The following BRME1 variants were observed in gnomAD, a reference collection of about 807,000 sequenced individuals.
The protein encoded by BRME1 is BRCA2 and MEILB2-associating protein 1.
Under a neutral mutation model 52.6 loss-of-function variants are expected in BRME1, and 31 were observed. The observed-to-expected ratio is 0.59, with a 90% confidence interval of 0.44 to 0.80. The LOEUF (loss-of-function observed/expected upper bound fraction) is 0.80. Among genes scored for constraint, BRME1 ranks in the 30% least tolerant of loss-of-function variants. BRME1 has a pLI of 0.00. For synonymous variants in BRME1, 359 were observed against 353.6 expected (o/e 1.02, Z -0.17); for missense variants, 804 against 860.3 (o/e 0.93, Z 0.82).
At chr19:13,890,500 T>C (rs780050658) in intron 5 of BRME1, 38 bp from the exon 6 acceptor site, 1 of 1,439,772 alleles carries the variant, frequency 6.9e-7, no homozygotes, top group South Asian at 1.6e-5. Flanking sequence ...GGGCCTTTGA[T>C]AACCAAGTTC....
Position 13,882,635 on chromosome 19 carries a change from A to G in BRME1, c.*167T>C. 3.7e-6 allele frequency: 3 copies of G among 813,416 alleles called. No homozygotes were observed. The highest frequency in any genetic ancestry group is 1.9e-6 in the Non-Finnish European group (1 of 513,384). 50.4% of individuals were successfully genotyped at this position (813,416 alleles called of 1,614,324 possible). ...GTGGCAAATGACCTTGACCCTGGCC[A>G]GGTGAGGCCAGGACCTCACGGCCTC... On this transcript the variant is annotated 3_prime_UTR_variant, in exon 9 of 9. Transcript: ENST00000586783.
chr19:13,883,643 A>C lies in BRME1; in HGVS notation c.1764-243T>G. On this transcript the variant is annotated intron_variant, in intron 7 of 8. Coordinates refer to ENST00000586783, the MANE Select transcript of BRME1 (RefSeq NM_001345843.2). This position sits in a 1 kb window ranked among gnomAD's most constrained non-coding sequence, Gnocchi z 4.2. ...AGGACGCTGCTGCCACCGCCTCCCT[A>C]TCTCCTGCCCCTGTGGCTTGTCCCC... The C allele has an allele frequency of 1.5e-5, 7 of 461,760 alleles. No individual in the cohort carries two copies. Among genetic ancestry groups the C allele is most frequent in the Admixed American group, 3.6e-5 (1 of 27,822 alleles). The allele number at this position is 461,760 out of a possible 1,614,324, so 28.6% of individuals were successfully genotyped here. A position where few individuals can be genotyped will look rare whatever the true frequency, so the allele number is the denominator to read the frequency against.
At chr19:13,894,362 T>C (rs1969730485) in intron 3 of BRME1, among the ~76,000 whole-genome samples, 1 of 152,062 alleles carries the variant, frequency 6.6e-6, no homozygotes, top group Non-Finnish European at 1.5e-5. Context: ...CCGTCTCTAC[T>C]AAAAATACAA....
Position 13,889,552 on chromosome 19 carries a change from G to A in BRME1, c.1304C>T (p.Ser435Phe), listed in dbSNP as rs1345080621. 1.2e-6 allele frequency: 2 copies of A among 1,613,712 alleles called. No homozygotes were observed. The highest frequency in any genetic ancestry group is 4.5e-5 in the East Asian group (2 of 44,874). The change falls in exon 6 of 9, where the codon TCC (serine) becomes TTC (phenylalanine). Residue 435 changes from serine (S) to phenylalanine (F), a missense_variant. Coordinates refer to ENST00000586783, the MANE Select transcript of BRME1 (RefSeq NM_001345843.2). ...ACCTGTGTCCGGGGATGCATGACCG[G>A]AATCTCCAGCACCCATCATGGACTC... Reference protein sequence around the residue: ...SGESMMGAGDSGHASPDTGPC... With the variant: ...SGESMMGAGDFGHASPDTGPC...
rs201671525 is a variant in BRME1 at position 13,895,430 on chromosome 19, A to G, written c.148T>C (p.Leu50=). 14 of 1,614,014 alleles carry G rather than the reference A, an allele frequency of 8.7e-6. No individual in the cohort carries two copies. The East Asian group carries it at 1.8e-4, about 21-fold the overall frequency. The change falls in exon 3 of 9, where the codon TTG becomes CTG. Residue 50 remains leucine (L), a synonymous_variant. Transcript: ENST00000586783. Reference sequence around the variant, plus strand: ...TGCTGTGTAGAGGGAACAGGTCCCAATTTGCCCTCTGGCTCCTCAGGGTGA... The same window carrying G: ...TGCTGTGTAGAGGGAACAGGTCCCAGTTTGCCCTCTGGCTCCTCAGGGTGA... ...LHHPEEPEGK[L]GPVPSTQQHG...
At position 13,883,655 on chromosome 19, in the gene BRME1, T is replaced by C. The variant is rs1435800871; in HGVS notation, c.1764-255A>G. 2.2e-6 allele frequency: 1 copy of C among 448,178 alleles called. No homozygotes were observed. Among genetic ancestry groups the C allele is most frequent in the Non-Finnish European group, 4.1e-6 (1 of 244,316 alleles). The allele number at this position is 448,178 out of a possible 1,614,324, so 27.8% of individuals were successfully genotyped here. On this transcript the variant is annotated intron_variant, in intron 7 of 8. Transcript: ENST00000586783. The surrounding 1 kb of genome is among the most constrained non-coding windows in gnomAD (Gnocchi z 4.2). ...CCACCGCCTCCCTATCTCCTGCCCCTGTGGCTTGTCCCCCACAGGCACTGG... is the reference window on the plus strand; with the variant it reads ...CCACCGCCTCCCTATCTCCTGCCCCCGTGGCTTGTCCCCCACAGGCACTGG...
At position 13,903,390 on chromosome 19, in the gene BRME1, A is replaced by T. The variant is rs373428866; in HGVS notation, c.31+1472T>A. 6.6e-4 allele frequency among the ~76,000 whole-genome samples: 100 copies of T among 152,020 alleles called. 1 individual carries two copies. In the South Asian group the frequency reaches 0.02, roughly 30 times the overall value. On this transcript the variant is annotated intron_variant, in intron 2 of 8. Transcript: ENST00000586783. The stretch of plus-strand genomic sequence containing the variant: ...GTTATGAAAACCAAAAAAAGTCTCT[A>T]GGCCGGGCACGGTGGCTCCCACCTG...
rs759830067 is a variant in BRME1 at position 13,895,434 on chromosome 19, G to T, written c.144C>A (p.Gly48=). 2 of 1,613,982 alleles carry T rather than the reference G, an allele frequency of 1.2e-6. No individual in the cohort carries two copies. Among genetic ancestry groups the T allele is most frequent in the African/African-American group, 2.7e-5 (2 of 74,908 alleles). ...GTGTAGAGGGAACAGGTCCCAATTTGCCCTCTGGCTCCTCAGGGTGATGTA... is the reference window on the plus strand; with the variant it reads ...GTGTAGAGGGAACAGGTCCCAATTTTCCCTCTGGCTCCTCAGGGTGATGTA... The part of the protein sequence containing the change: ...GCLHHPEEPE[G]KLGPVPSTQQ... Residue 48 remains glycine (G), a synonymous_variant, in exon 3 of 9, where the codon GGC becomes GGA. Transcript: ENST00000586783.
chr19:13,896,864 CT>C (rs1969942037), intron 2 of BRME1, among the ~76,000 whole-genome samples: 1 of 151,438 alleles, frequency 6.6e-6, no homozygotes, highest in South Asian at 2.1e-4. Flanking sequence ...GCTAAGTTTT[CT>C]TTTGCTTTTG....
intron 5 of BRME1, among the ~76,000 whole-genome samples, chr19:13,891,403 C>G (rs545251619): frequency 5.9e-5 from 9 of 152,102 alleles, no homozygotes; most frequent in African/African-American, 2.2e-4. Context: ...CCCATCTCGG[C>G]CTCCCAAAGT....
At chr19:13,891,642 T>G (rs1009383182) in intron 5 of BRME1, among the ~76,000 whole-genome samples, 5 of 151,450 alleles carry the variant, frequency 3.3e-5, no homozygotes, top group Admixed American at 6.6e-5. Flanking sequence ...AATTTTGTGG[T>G]TTTTTTGGTA....
chr19:13,895,851 G>A (rs1413912178), intron 2 of BRME1, among the ~76,000 whole-genome samples: 1 of 152,192 alleles, frequency 6.6e-6, no homozygotes, highest in African/African-American at 2.4e-5. Context: ...CACAGCCACC[G>A]GGTGCTGAAG....
At chr19:13,891,181 C>T (rs1326403449) in intron 5 of BRME1, among the ~76,000 whole-genome samples, 5 of 123,414 alleles carry the variant, frequency 4.1e-5, no homozygotes, top group African/African-American at 1.8e-4. Context: ...CAGAGTTTCA[C>T]TCTTGTTGCC....
At chr19:13,897,744 C>T (rs1411632497) in intron 2 of BRME1, among the ~76,000 whole-genome samples, 2 of 151,998 alleles carry the variant, frequency 1.3e-5, no homozygotes, top group African/African-American at 4.8e-5. Flanking sequence ...TGCCTGCAGT[C>T]CCACATACTT....
At chr19:13,890,925 C>G (rs921767280) in intron 5 of BRME1, among the ~76,000 whole-genome samples, 10 of 152,008 alleles carry the variant, frequency 6.6e-5, no homozygotes, top group Non-Finnish European at 1.2e-4. Flanking sequence ...TAATAGTTGT[C>G]ACCACCCTGT....
At chr19:13,904,348 C>T (rs1599363012) in intron 2 of BRME1, among the ~76,000 whole-genome samples, 1 of 152,244 alleles carries the variant, frequency 6.6e-6, no homozygotes, top group East Asian at 1.9e-4. Flanking sequence ...CTCAAGCGAT[C>T]CGCCCACCTC....
At chr19:13,894,536 T>C (rs1240269563) in intron 3 of BRME1, among the ~76,000 whole-genome samples, 1 of 152,026 alleles carries the variant, frequency 6.6e-6, no homozygotes, top group Non-Finnish European at 1.5e-5. Context: ...AATAAATAAA[T>C]AAATAAATAA....
chr19:13,897,990 T>C (rs1239627746), intron 2 of BRME1, among the ~76,000 whole-genome samples: 2 of 150,952 alleles, frequency 1.3e-5, no homozygotes, highest in African/African-American at 4.9e-5. Flanking sequence ...TCCCAGCTAC[T>C]TGGGAGGCTG....
intron 7 of BRME1, among the ~76,000 whole-genome samples, chr19:13,884,407 C>T (rs1968850501): frequency 6.6e-6 from 1 of 151,780 alleles, no homozygotes; most frequent in South Asian, 2.1e-4. Flanking sequence ...AGGTGGATTA[C>T]TTGAATCCAG....
Sources: allele counts gnomAD v4.1 joint callset (sites outside exome capture counted in the v4.1 genomes callset), GRCh38; gene constraint gnomAD v4.1.1; non-coding constraint Gnocchi (gnomAD v3.1); transcripts MANE v1.5; gene names NCBI Gene and HGNC (gene_info 2026-07-23, HGNC 2026-07-21).